The following ME3 variants were observed in gnomAD, a reference collection of about 807,000 sequenced individuals.
The protein encoded by ME3 is malic enzyme 3.
In ME3, 48 loss-of-function variants were observed where a neutral mutation model predicts 68.9. That is an observed-to-expected ratio of 0.70 (90% CI 0.55 to 0.89). The LOEUF is 0.89. Among genes scored for constraint, ME3 ranks in the 40% least tolerant of loss-of-function variants. The probability of loss-of-function intolerance (pLI) is 0.00; values close to 1 mark genes in which losing one functional copy is unlikely to be tolerated. For synonymous variants in ME3, 320 were observed against 318.8 expected (o/e 1.00, Z -0.04); for missense variants, 675 against 797.4 (o/e 0.85, Z 1.85).
intron 7 of ME3, among the ~76,000 whole-genome samples, chr11:86,466,470 G>A (rs566620845): frequency 6.6e-6 from 1 of 152,108 alleles, no homozygotes; most frequent in Non-Finnish European, 1.5e-5. Flanking sequence ...TGACCTACAG[G>A]CTTGGGAGCA....
At chr11:86,510,784 T>C (rs187230391) in intron 4 of ME3, among the ~76,000 whole-genome samples, 24 of 152,344 alleles carry the variant, frequency 1.6e-4, no homozygotes, top group Non-Finnish European at 1.5e-5. Context: ...CTAGACCTTT[T>C]ATTTAACTGC....
intron 8 of ME3, among the ~76,000 whole-genome samples, chr11:86,460,363 G>A (rs3758877): frequency 2.0e-5 from 3 of 152,186 alleles, no homozygotes; most frequent in African/African-American, 7.2e-5. Flanking sequence ...GTGATTCTGA[G>A]CACATGGTAC....
chr11:86,488,913 G>A lies in ME3; in HGVS notation c.706-1473C>T, dbSNP rs143025441. On this transcript the variant is annotated intron_variant, in intron 6 of 14. Coordinates refer to ENST00000543262, the Ensembl canonical transcript of ME3. ...TGAGTGAAGAAATTCCCTTTGGGGG[G>A]CAGATTGGGATTGTGTCATGGAGAA... is the stretch of plus-strand genomic sequence containing the variant. Among the ~76,000 whole-genome samples the A allele has an allele frequency of 7.5e-3, 1,135 of 152,262 alleles. 8 individuals are homozygous for A. The highest frequency in any genetic ancestry group is 0.029 in the South Asian group (138 of 4,816).
chr11:86,452,970 C>A (rs181513648), intron 8 of ME3, among the ~76,000 whole-genome samples: 13 of 151,986 alleles, frequency 8.6e-5, no homozygotes, highest in Non-Finnish European at 1.2e-4. Flanking sequence ...TGTTGTGAGG[C>A]ATTTTGTTAG....
At chr11:86,618,998 C>T (rs982614493) in intron 2 of ME3, among the ~76,000 whole-genome samples, 27 of 152,168 alleles carry the variant, frequency 1.8e-4, no homozygotes, top group East Asian at 7.7e-4. Context: ...CATAAGCCAC[C>T]GTGCCTGGCC....
intron 2 of ME3, among the ~76,000 whole-genome samples, chr11:86,568,496 A>T (rs1388234143): frequency 6.6e-6 from 1 of 152,222 alleles, no homozygotes; most frequent in Non-Finnish European, 1.5e-5. Context: ...TTCCTGAATG[A>T]TCATCTCTGG....
chr11:86,611,341 GGTGA>G (rs146232225), intron 2 of ME3, among the ~76,000 whole-genome samples: 7,310 of 152,050 alleles, frequency 0.048, 214 homozygotes, highest in Middle Eastern at 0.14. Flanking sequence ...GAGAAAAAAA[GGTGA>G]GTAAGTTCTG....
At chr11:86,552,140 T>A (rs1284025964) in intron 4 of ME3, among the ~76,000 whole-genome samples, 1 of 152,158 alleles carries the variant, frequency 6.6e-6, no homozygotes, top group Non-Finnish European at 1.5e-5. Flanking sequence ...GCCAGGCCCT[T>A]TACATTTGGA....
intron 6 of ME3, among the ~76,000 whole-genome samples, chr11:86,489,428 A>ATAT (rs774558284): frequency 6.6e-6 from 1 of 152,200 alleles, no homozygotes; most frequent in Non-Finnish European, 1.5e-5. Context: ...CAGTGGTAGC[A>ATAT]GTTTTAGCTT....
chr11:86,452,949 A>T (rs1316018619), intron 8 of ME3, among the ~76,000 whole-genome samples: 3 of 152,162 alleles, frequency 2.0e-5, no homozygotes, highest in African/African-American at 7.2e-5. Flanking sequence ...TTTGTTGGAA[A>T]AATAGTTGAA....
At chr11:86,593,348 G>A (rs1959165110) in intron 2 of ME3, among the ~76,000 whole-genome samples, 1 of 146,684 alleles carries the variant, frequency 6.8e-6, no homozygotes, top group African/African-American at 2.5e-5. Context: ...ATGATGCTTT[G>A]AATACTTTCT....
intron 4 of ME3, among the ~76,000 whole-genome samples, chr11:86,541,521 A>G (rs1225537951): frequency 6.6e-6 from 1 of 152,174 alleles, no homozygotes; most frequent in Non-Finnish European, 1.5e-5. Context: ...AGTGTAAACA[A>G]AGCTGCTGGG....
chr11:86,617,052 T>TG (rs1312473781), intron 2 of ME3, among the ~76,000 whole-genome samples: 1 of 65,736 alleles, frequency 1.5e-5, no homozygotes, highest in Non-Finnish European at 3.1e-5. Context: ...GTAGTTTTTT[T>TG]TTTTTTTTTT....
intron 6 of ME3, among the ~76,000 whole-genome samples, chr11:86,493,142 G>A (rs550424208): frequency 6.6e-6 from 1 of 152,296 alleles, no homozygotes; most frequent in South Asian, 2.1e-4. Context: ...CAAGGTAGAA[G>A]AAACCCTGCA....
At chr11:86,529,606 C>G (rs1261352091) in intron 4 of ME3, among the ~76,000 whole-genome samples, 2 of 152,142 alleles carry the variant, frequency 1.3e-5, no homozygotes, top group Admixed American at 1.3e-4. Context: ...CAAAATTCCT[C>G]AATAAAATAC....
chr11:86,592,291 C>G (rs1336938811), intron 2 of ME3, among the ~76,000 whole-genome samples: 1 of 152,192 alleles, frequency 6.6e-6, no homozygotes, highest in Non-Finnish European at 1.5e-5. Context: ...ACAATTGCTT[C>G]ACAAAGTTCC....
chr11:86,649,196 C>T (rs1414144566), intron 2 of ME3, among the ~76,000 whole-genome samples: 1 of 152,168 alleles, frequency 6.6e-6, no homozygotes, highest in Non-Finnish European at 1.5e-5. Context: ...ATCACATAAA[C>T]AGAACCAAAG....
intron 2 of ME3, among the ~76,000 whole-genome samples, chr11:86,617,307 A>G (rs1019463430): frequency 1.3e-5 from 2 of 151,984 alleles, no homozygotes; most frequent in Non-Finnish European, 1.5e-5. Flanking sequence ...AACAAATGTA[A>G]GCCATATGTT....
intron 8 of ME3, chr11:86,464,000 C>T (rs1387279862): frequency 2.9e-5 from 10 of 349,816 alleles, no homozygotes; most frequent in South Asian, 1.8e-4. Flanking sequence ...GAACAGTGCC[C>T]GACATACAAT....
Sources: gnomAD v4.1 joint callset for allele counts (sites outside exome capture counted in the v4.1 genomes callset) on GRCh38, gnomAD v4.1.1 for gene constraint, MANE v1.5 for transcripts, NCBI Gene and HGNC (gene_info 2026-07-23, HGNC 2026-07-21) for gene names.